Variants in CEBPZOS observed in about 807,000 individuals in gnomAD.
CEBPZOS encodes protein CEBPZOS.
CEBPZOS carries 10 observed loss-of-function variants against 4.8 expected under a neutral mutation model. The ratio of observed to expected loss-of-function variants is 2.07; its 90% CI spans 1.28 to 3.52. The LOEUF (loss-of-function observed/expected upper bound fraction) is 3.52. Ranked by LOEUF, CEBPZOS falls within the 30% of genes most tolerant of loss-of-function variation. The pLI is 0.00. For missense variants in CEBPZOS, 98 were observed against 43.6 expected (o/e 2.25, Z -3.51); for synonymous variants, 25 against 14.2 (o/e 1.77, Z -1.72).
downstream of CEBPZOS, among the ~76,000 whole-genome samples, chr2:37,214,527 G>T (rs1422978916): frequency 6.6e-6 from 1 of 151,630 alleles, no homozygotes; most frequent in Non-Finnish European, 1.5e-5. Flanking sequence ...TATTATAAAA[G>T]GAAATTAAAG....
At position 37,203,133 on chromosome 2, in the gene CEBPZOS, A is replaced by C; in HGVS notation, c.*1273A>C. The C allele has an allele frequency of 1.7e-6, 1 of 575,614 alleles. No homozygotes were observed. The highest frequency in any genetic ancestry group is 2.9e-6 in the Non-Finnish European group (1 of 340,758). The allele number at this position is 575,614 out of a possible 1,614,324, so 35.7% of individuals were successfully genotyped here. A position where few individuals can be genotyped will look rare whatever the true frequency, so the allele number is the denominator to read the frequency against. On this transcript the variant is annotated 3_prime_UTR_variant, in exon 5 of 5. Coordinates refer to ENST00000402297, the MANE Select transcript of CEBPZOS (RefSeq NM_001322374.2). ...AAAACAATTGCAATAATCTTCTGGC[A>C]CCATTGGGTAGCTGGCATTTAAATA...
At chr2:37,200,237 T>C (rs1677151808) in intron 2 of CEBPZOS, among the ~76,000 whole-genome samples, 1 of 152,198 alleles carries the variant, frequency 6.6e-6, no homozygotes, top group Non-Finnish European at 1.5e-5. Flanking sequence ...GCATCAACAG[T>C]GGGCACTAAG....
chr2:37,211,344 A>C (rs1677715162), intron 4 of CEBPZOS: 1 of 298,210 alleles, frequency 3.4e-6, no homozygotes. Flanking sequence ...AAACCCCTTA[A>C]AACAAGAAAC....
chr2:37,201,486 G>A (rs544071675), intron 3 of CEBPZOS, 156 bp from the exon 4 acceptor site: 3 of 580,900 alleles, frequency 5.2e-6, no homozygotes, highest in Non-Finnish European at 9.3e-6. Context: ...AATGATCAGA[G>A]ATGCCAGGAC....
At chr2:37,199,924 A>G in intron 2 of CEBPZOS, 105 bp downstream of exon 2, 1 of 634,132 alleles carries the variant, frequency 1.6e-6, no homozygotes. Flanking sequence ...GGTTCTTCAG[A>G]TTCAAGATAT....
downstream of CEBPZOS, among the ~76,000 whole-genome samples, chr2:37,206,308 A>G (rs1677538232): frequency 6.6e-6 from 1 of 152,268 alleles, no homozygotes; most frequent in Admixed American, 6.5e-5. Context: ...AGAATTCACC[A>G]CTACCAAGCC....
At chr2:37,198,660 A>G (rs1399118541) in intron 1 of CEBPZOS, 1 of 152,248 alleles carries the variant, frequency 6.6e-6, no homozygotes, top group Non-Finnish European at 1.5e-5. Context: ...TTGGGTTTAC[A>G]TTAATGTCTT....
intron 1 of CEBPZOS, chr2:37,198,735 G>A (rs28584067): frequency 6.6e-6 from 1 of 152,074 alleles, no homozygotes; most frequent in Non-Finnish European, 1.5e-5. Flanking sequence ...TGACACAAAC[G>A]CTTTTTCCTG....
chr2:37,196,886 C>T (rs369937121), intron 1 of CEBPZOS, among the ~76,000 whole-genome samples: 38 of 152,278 alleles, frequency 2.5e-4, no homozygotes, highest in African/African-American at 8.4e-4. Context: ...CAGCTCTCGG[C>T]CTCTGTTGAA....
downstream of CEBPZOS, among the ~76,000 whole-genome samples, chr2:37,208,003 C>G (rs13422415): frequency 0.13 from 19,913 of 152,070 alleles, 1,452 homozygotes; most frequent in South Asian, 0.26. Context: ...AAAGATCATT[C>G]AAGGCTACTA....
rs764273636 is a variant in CEBPZOS at position 37,202,987 on chromosome 2, T to G, written c.*1127T>G. The G allele has an allele frequency of 6.4e-7, 1 of 1,553,578 alleles. No homozygotes were observed. The highest frequency in any genetic ancestry group is 8.7e-7 in the Non-Finnish European group (1 of 1,153,690). ...TACAAATAGGCTGGAATCATTTAAG[T>G]TTCTTTTCTTTTTTCTTGGCCCTAA... On this transcript the variant is annotated 3_prime_UTR_variant, in exon 5 of 5. Transcript: ENST00000402297.
In CEBPZOS at chr2:37,203,076, C is replaced by A; in HGVS notation, c.*1216C>A. On this transcript the variant is annotated 3_prime_UTR_variant, in exon 5 of 5. Transcript: ENST00000402297. ...ATGATTTTAGAAAAATGCAATGCAA[C>A]ATGATTTTATTTTAAAAATTATACT... 1 of 1,072,416 alleles carries A rather than the reference C, an allele frequency of 9.3e-7. No individual in the cohort carries two copies. The highest frequency in any genetic ancestry group is 1.7e-5 in the South Asian group (1 of 58,758). The allele number at this position is 1,072,416 out of a possible 1,614,324, so 66.4% of individuals were successfully genotyped here. A position where few individuals can be genotyped will look rare whatever the true frequency, so the allele number is the denominator to read the frequency against.
rs902115885 is a variant in CEBPZOS at position 37,198,232 on chromosome 2, A to G, written c.-1-1472A>G. On this transcript the variant is annotated intron_variant, in intron 1 of 4. Transcript: ENST00000402297. ...GAGCATGACTTACTTTCTGTCAGTC[A>G]TGTACAGCATTGTAGTGAATGGAGC... Among the ~76,000 whole-genome samples, 10 of 152,312 alleles carry G rather than the reference A, an allele frequency of 6.6e-5. 1 individual carries two copies. Among genetic ancestry groups the G allele is most frequent in the Admixed American group, 5.2e-4 (8 of 15,308 alleles).
chr2:37,199,711 C>G lies in CEBPZOS; in HGVS notation c.7C>G (p.Arg3Gly), dbSNP rs756574098. Residue 3 changes from arginine to glycine, a missense_variant, in exon 2 of 5, where the codon CGT becomes GGT. Physicochemically the swap from Arg to Gly is moderately radical, Grantham distance 125. Coordinates refer to ENST00000402297, the MANE Select transcript of CEBPZOS (RefSeq NM_001322374.2). MA[R>G]TLEPLAKKIF... ...ATCTGTTGTTAAATTTAGGATGGCCCGTACTTTGGAACCACTAGCAAAGAA... is the reference window on the plus strand; with the variant it reads ...ATCTGTTGTTAAATTTAGGATGGCCGGTACTTTGGAACCACTAGCAAAGAA... The G allele has an allele frequency of 7.0e-6, 5 of 717,174 alleles. No homozygotes were observed. The highest frequency in any genetic ancestry group is 1.3e-5 in the Non-Finnish European group (5 of 384,996). The allele number at this position is 717,174 out of a possible 1,614,324, so 44.4% of individuals were successfully genotyped here.
At position 37,196,535 on chromosome 2, in the gene CEBPZOS, A is replaced by G. The variant is rs72875709; in HGVS notation, c.-2+15A>G. The stretch of plus-strand genomic sequence containing the variant: ...ACGCACCTCAGGTAAGACTCTGGCG[A>G]GTGGCTTCCCATGGGCGGTCGGATT... On this transcript the variant is annotated intron_variant, in intron 1 of 4. Coordinates refer to ENST00000402297, the MANE Select transcript of CEBPZOS (RefSeq NM_001322374.2). 0.023 allele frequency: 3,465 copies of G among 152,320 alleles called. 85 individuals are homozygous for G. The highest frequency in any genetic ancestry group is 0.064 in the African/African-American group (2,662 of 41,540). The allele number at this position is 152,320 out of a possible 1,614,324, so 9.4% of individuals were successfully genotyped here.
At chr2:37,199,969 A>G in intron 2 of CEBPZOS, 150 bp downstream of exon 2, 1 of 600,498 alleles carries the variant, frequency 1.7e-6, no homozygotes, top group South Asian at 2.1e-5. Context: ...GAATCAAAGT[A>G]TTCATTATTG....
chr2:37,199,563 A>C, intron 1 of CEBPZOS, 141 bp from the exon 2 acceptor site: 1 of 486,130 alleles, frequency 2.1e-6, no homozygotes, highest in East Asian at 3.0e-5. Flanking sequence ...TCTAAACCAA[A>C]AAAGTATACC....
chr2:37,205,275 G>A (rs997972307), downstream of CEBPZOS, among the ~76,000 whole-genome samples: 2 of 152,116 alleles, frequency 1.3e-5, no homozygotes, highest in Non-Finnish European at 2.9e-5. Context: ...TGACCTGCAC[G>A]CACACATCCA....
downstream of CEBPZOS, among the ~76,000 whole-genome samples, chr2:37,208,173 A>G (rs1677602186): frequency 6.6e-6 from 1 of 152,164 alleles, no homozygotes; most frequent in Non-Finnish European, 1.5e-5. Context: ...CTGCCAACAA[A>G]ACAAAGTCCA....
Sources: allele counts gnomAD v4.1 joint callset (sites outside exome capture counted in the v4.1 genomes callset), GRCh38; gene constraint gnomAD v4.1.1; transcripts MANE v1.5; gene names NCBI Gene and HGNC (gene_info 2026-07-23, HGNC 2026-07-21).